CNOT1: variants seen among roughly 807,000 people sequenced by gnomAD.
CNOT1 encodes the protein CCR4-NOT transcription complex subunit 1.
Under a neutral mutation model 273.8 loss-of-function variants are expected in CNOT1, and 15 were observed. That is an observed-to-expected ratio of 0.05 (90% confidence interval 0.04 to 0.08). The LOEUF is 0.08. Ranked by LOEUF, CNOT1 falls within the 10% of genes least tolerant of loss-of-function variation. The pLI, the probability that CNOT1 is intolerant of heterozygous loss-of-function variation, is 1.00. For synonymous variants in CNOT1, 1,022 were observed against 1,005.5 expected (o/e 1.02, Z -0.31); for missense variants, 1,644 against 2,912.2 (o/e 0.56, Z 10.02).
At chr16:58,579,899 A>G (rs2041596015) in intron 12 of CNOT1, among the ~76,000 whole-genome samples, 1 of 152,156 alleles carries the variant, frequency 6.6e-6, no homozygotes, top group African/African-American at 2.4e-5. Flanking sequence ...CAGAGAAACT[A>G]GATACTTTAG....
At chr16:58,601,541 G>T (rs1171885172) in intron 1 of CNOT1, among the ~76,000 whole-genome samples, 1 of 151,978 alleles carries the variant, frequency 6.6e-6, no homozygotes, top group African/African-American at 2.4e-5. Context: ...GTAAGATGCA[G>T]GAAACTCAGG....
intron 13 of CNOT1, among the ~76,000 whole-genome samples, chr16:58,577,513 T>C (rs2041499088): frequency 6.6e-6 from 1 of 152,178 alleles, no homozygotes; most frequent in Non-Finnish European, 1.5e-5. Flanking sequence ...TTCACTAATT[T>C]GTAAAAAGCA....
At chr16:58,529,952 A>AATACCAGGT (rs2151901456) in intron 43 of CNOT1, among the ~76,000 whole-genome samples, 1 of 152,152 alleles carries the variant, frequency 6.6e-6, no homozygotes, top group African/African-American at 2.4e-5. Flanking sequence ...AAAAACAGAT[A>AATACCAGGT]ATACCAGGTA....
Position 58,587,321 on chromosome 16 carries a change from C to T in CNOT1, c.378+24G>A. ...CTGTTTTTAATTCTAGTTTTGTCTA[C>T]ATCTCTTTTCATAAATCACTCACCT... On this transcript the variant is annotated intron_variant, in intron 5 of 48. Transcript: ENST00000317147. 15 of 1,613,798 alleles carry T rather than the reference C, an allele frequency of 9.3e-6. 1 individual carries two copies. Among genetic ancestry groups the T allele is most frequent in the Non-Finnish European group, 1.3e-5 (15 of 1,179,914 alleles).
In CNOT1 at chr16:58,520,054, T is replaced by A. The variant is rs2039310717; in HGVS notation, c.*904A>T. ...CTACAAAATACAACACAGGGACCAA[T>A]ACATTTGCAAAACATTCAAAATCCT... is the stretch of plus-strand genomic sequence containing the variant. On this transcript the variant is annotated 3_prime_UTR_variant, in exon 49 of 49. Coordinates refer to ENST00000317147, the MANE Select transcript of CNOT1 (RefSeq NM_016284.5). The A allele has an allele frequency of 6.6e-6, 1 of 152,238 alleles. No homozygotes were observed. The highest frequency in any genetic ancestry group is 6.5e-5 in the Admixed American group (1 of 15,284). The allele number at this position is 152,238 out of a possible 1,614,324, so 9.4% of individuals were successfully genotyped here. A position where few individuals can be genotyped will look rare whatever the true frequency, so the allele number is the denominator to read the frequency against.
At chr16:58,603,804 T>C (rs1384076709) in intron 1 of CNOT1, among the ~76,000 whole-genome samples, 1 of 152,138 alleles carries the variant, frequency 6.6e-6, no homozygotes, top group Non-Finnish European at 1.5e-5. Context: ...ACTCTGACTA[T>C]CCTATGCAAA....
intron 1 of CNOT1, among the ~76,000 whole-genome samples, chr16:58,607,311 C>A (rs1012828665): frequency 5.3e-5 from 8 of 152,018 alleles, no homozygotes; most frequent in Non-Finnish European, 1.0e-4. Context: ...CATCCTGGAC[C>A]GTGTATATAG....
intron 44 of CNOT1, among the ~76,000 whole-genome samples, chr16:58,527,758 T>A (rs1232446789): frequency 1.3e-5 from 2 of 152,056 alleles, no homozygotes; most frequent in African/African-American, 2.4e-5. Context: ...CTAGAACCAA[T>A]CCTCCAAGAA....
At position 58,572,845 on chromosome 16, in the gene CNOT1, T is replaced by C. The variant is rs146847551; in HGVS notation, c.1979+1764A>G. On this transcript the variant is annotated intron_variant, in intron 16 of 48. Transcript: ENST00000317147. Reference sequence around the variant, plus strand: ...ATCACTTGAGCCTGCAAGGCAGAGGTTGTAGTGAGCCAAGATCGCACCACT... The same window carrying C: ...ATCACTTGAGCCTGCAAGGCAGAGGCTGTAGTGAGCCAAGATCGCACCACT... Among the ~76,000 whole-genome samples, 1,043 of 150,096 alleles carry C rather than the reference T, an allele frequency of 6.9e-3. 9 individuals carry two copies. The highest frequency in any genetic ancestry group is 0.024 in the African/African-American group (982 of 40,736).
intron 16 of CNOT1, among the ~76,000 whole-genome samples, chr16:58,567,683 A>G (rs2041105945): frequency 6.6e-6 from 1 of 152,180 alleles, no homozygotes; most frequent in South Asian, 2.1e-4. Flanking sequence ...CCAAAGGCTT[A>G]TAACAAGTGG....
At chr16:58,587,989 A>G in intron 3 of CNOT1, 111 bp from the exon 4 acceptor site, 1 of 1,084,994 alleles carries the variant, frequency 9.2e-7, no homozygotes, top group Non-Finnish European at 1.3e-6. Flanking sequence ...ACTGTTATAT[A>G]TTATCAAAAT....
intron 2 of CNOT1, among the ~76,000 whole-genome samples, chr16:58,596,748 T>C (rs941313986): frequency 2.7e-5 from 4 of 150,488 alleles, no homozygotes; most frequent in South Asian, 2.1e-4. Context: ...ATTAGCCGGG[T>C]GTGGTGGCGA....
Position 58,581,375 on chromosome 16 carries a change from T to C in CNOT1, c.1185A>G (p.Ile395Met). 2 of 1,613,468 alleles carry C rather than the reference T, an allele frequency of 1.2e-6. No individual in the cohort carries two copies. Among genetic ancestry groups the C allele is most frequent in the Non-Finnish European group, 8.5e-7 (1 of 1,179,790 alleles). Residue 395 changes from isoleucine (I) to methionine (M), a missense_variant, in exon 11 of 49, where the codon ATA (isoleucine) becomes ATG (methionine). Ile to Met is a conservative substitution (Grantham distance 10). Coordinates refer to ENST00000317147, the MANE Select transcript of CNOT1 (RefSeq NM_016284.5). Reference sequence around the variant, plus strand: ...CTTCAGCATGTTTCCAAGGTCTATATATGAGGTCTACTGGGAACACTTCCA... The same window carrying C: ...CTTCAGCATGTTTCCAAGGTCTATACATGAGGTCTACTGGGAACACTTCCA... ...LGMEVFPVDL[I>M]YRPWKHAEGQ...
At chr16:58,590,896 G>A (rs1452159307) in intron 2 of CNOT1, among the ~76,000 whole-genome samples, 1 of 152,242 alleles carries the variant, frequency 6.6e-6, no homozygotes, top group Non-Finnish European at 1.5e-5. Context: ...TAGTCTAGGT[G>A]TAAACACAGC....
At chr16:58,623,041 T>C (rs144079817) in intron 1 of CNOT1, among the ~76,000 whole-genome samples, 2 of 151,414 alleles carry the variant, frequency 1.3e-5, no homozygotes, top group Non-Finnish European at 2.9e-5. Flanking sequence ...CTACTAAAAA[T>C]ACAAAAATTA....
intron 16 of CNOT1, among the ~76,000 whole-genome samples, chr16:58,571,991 A>T (rs773826713): frequency 2.6e-4 from 39 of 150,774 alleles, no homozygotes; most frequent in Non-Finnish European, 5.2e-4. Flanking sequence ...AATTAAAAAT[A>T]AAAAAAATTG....
chr16:58,602,250 T>C (rs969584824), intron 1 of CNOT1, among the ~76,000 whole-genome samples: 1 of 151,824 alleles, frequency 6.6e-6, no homozygotes, highest in East Asian at 1.9e-4. Flanking sequence ...GTATTTTTTC[T>C]AGTAGAGATG....
intron 8 of CNOT1, among the ~76,000 whole-genome samples, 182 bp from the exon 9 acceptor site, chr16:58,583,364 A>G (rs55788780): frequency 0.013 from 1,957 of 152,340 alleles, 44 homozygotes; most frequent in African/African-American, 0.045. Context: ...CTACTTCAGT[A>G]AGAAAATGGC....
intron 34 of CNOT1, among the ~76,000 whole-genome samples, chr16:58,540,799 TGGG>T (rs1025650385): frequency 2.0e-5 from 3 of 151,878 alleles, no homozygotes; most frequent in African/African-American, 7.3e-5. Context: ...TCAGGAGCGA[TGGG>T]GGTATCAGGT....
Sources: gnomAD v4.1 joint callset for allele counts (sites outside exome capture counted in the v4.1 genomes callset) on GRCh38, gnomAD v4.1.1 for gene constraint, MANE v1.5 for transcripts, NCBI Gene and HGNC (gene_info 2026-07-23, HGNC 2026-07-21) for gene names.